ABLIM2: variants seen among roughly 807,000 people sequenced by gnomAD.
ABLIM2 encodes the protein actin binding LIM protein family member 2.
A neutral mutation model predicts 97.7 loss-of-function variants in ABLIM2; 53 were observed. The observed-to-expected ratio is 0.54, with a 90% CI of 0.44 to 0.68. ABLIM2 has a LOEUF of 0.68. Among genes scored for constraint, ABLIM2 ranks in the 30% least tolerant of loss-of-function variants. ABLIM2 has a pLI of 0.00. For synonymous variants in ABLIM2, 361 were observed against 345.8 expected (o/e 1.04, Z -0.49); for missense variants, 835 against 867.2 (o/e 0.96, Z 0.47).
At position 8,002,160 on chromosome 4, in the gene ABLIM2, T is replaced by C. The variant is rs1757680073; in HGVS notation, c.1618+5899A>G. On this transcript the variant is annotated intron_variant, in intron 16 of 20. Transcript: ENST00000447017. The surrounding 1 kb of genome is among the most constrained non-coding windows in gnomAD (Gnocchi z 6.1). The stretch of plus-strand genomic sequence containing the variant: ...AGTCCCATCTGGGAGCCGGGGACCC[T>C]CAGTCTCTGCCTCCAGCCTGGACCT... Among the ~76,000 whole-genome samples the C allele has an allele frequency of 6.6e-6, 1 of 152,096 alleles. No individual in the cohort carries two copies. Among genetic ancestry groups the C allele is most frequent in the African/African-American group, 2.4e-5 (1 of 41,414 alleles).
intron 20 of ABLIM2, among the ~76,000 whole-genome samples, chr4:7,980,628 T>C (rs1189564610): frequency 6.6e-6 from 1 of 151,252 alleles, no homozygotes; most frequent in Non-Finnish European, 1.5e-5. Flanking sequence ...GGCAGAAGAA[T>C]CACTTGAGTC....
intron 1 of ABLIM2, among the ~76,000 whole-genome samples, chr4:8,139,084 T>A (rs1850579493): frequency 6.6e-6 from 1 of 152,080 alleles, no homozygotes; most frequent in Non-Finnish European, 1.5e-5. Context: ...TAATCCCAGC[T>A]CCTTGGGAGG....
intron 14 of ABLIM2, among the ~76,000 whole-genome samples, chr4:8,014,121 A>G (rs1448584850): frequency 6.6e-6 from 1 of 152,262 alleles, no homozygotes; most frequent in East Asian, 1.9e-4. Context: ...CCAGTGCAGA[A>G]TCATTCCTGA....
intron 6 of ABLIM2, among the ~76,000 whole-genome samples, chr4:8,074,448 T>G (rs931501539): frequency 9.7e-4 from 147 of 152,158 alleles, no homozygotes; most frequent in African/African-American, 2.2e-3. Context: ...CAAGACCCCA[T>G]CTCTAAAAAA....
chr4:8,024,446 C>G (rs1776025491), intron 12 of ABLIM2, among the ~76,000 whole-genome samples: 1 of 152,180 alleles, frequency 6.6e-6, no homozygotes, highest in Non-Finnish European at 1.5e-5. Context: ...GGGCAGCCGC[C>G]CCCGTACAGT....
At chr4:8,106,740 C>T in intron 1 of ABLIM2, 103 bp from the exon 2 acceptor site, 3 of 1,406,002 alleles carry the variant, frequency 2.1e-6, no homozygotes, top group South Asian at 2.9e-5. Context: ...TGCCAGCGGG[C>T]CCCGCACCCA....
chr4:8,142,302 G>A (rs1455314822), intron 1 of ABLIM2, among the ~76,000 whole-genome samples: 4 of 152,066 alleles, frequency 2.6e-5, no homozygotes, highest in Non-Finnish European at 2.9e-5. Context: ...CCTGCTGCCC[G>A]CACTGCCCGA....
intron 14 of ABLIM2, among the ~76,000 whole-genome samples, chr4:8,013,719 G>A (rs982289530): frequency 1.3e-5 from 2 of 152,212 alleles, no homozygotes; most frequent in Non-Finnish European, 2.9e-5. Context: ...ACTCAGGGCT[G>A]CATCGCCACT....
rs1382962147 is a variant in ABLIM2 at position 8,023,837 on chromosome 4, T to G, written c.1268-3534A>C. Among the ~76,000 whole-genome samples the G allele has an allele frequency of 6.6e-6, 1 of 152,228 alleles. No homozygotes were observed. The highest frequency in any genetic ancestry group is 1.5e-5 in the Non-Finnish European group (1 of 68,040). On this transcript the variant is annotated intron_variant, in intron 12 of 20. Transcript: ENST00000447017. The surrounding 1 kb of genome is among the most constrained non-coding windows in gnomAD (Gnocchi z 5.7). ...TATTATACTCTAGTTTACAATCCAA[T>G]GACACATCCTTCATCGTGGTGCTCC...
At chr4:8,016,738 C>T (rs114543481) in intron 14 of ABLIM2, among the ~76,000 whole-genome samples, 2,876 of 152,256 alleles carry the variant, frequency 0.019, 34 homozygotes, top group Non-Finnish European at 0.029. Context: ...TCTCAAGGAC[C>T]GCAGAAACCA....
intron 5 of ABLIM2, 143 bp from the exon 6 acceptor site, chr4:8,077,864 G>C (rs1165918821): frequency 3.0e-6 from 2 of 675,438 alleles, no homozygotes; most frequent in Non-Finnish European, 5.2e-6. Context: ...CTTCCAACAG[G>C]CAGTGTCATT....
Position 8,036,191 on chromosome 4 carries a change from G to C in ABLIM2, c.1005C>G (p.Pro335=), listed in dbSNP as rs1784366963. 5 of 1,613,924 alleles carry C rather than the reference G, an allele frequency of 3.1e-6. No homozygotes were observed. The East Asian group carries it at 1.1e-4, about 36-fold the overall frequency. The change falls in exon 10 of 21, where the codon CCC becomes CCG. Residue 335 remains proline, a synonymous_variant. Transcript: ENST00000447017. The part of the protein sequence containing the change: ...IDRPDMISYS[P]YISHSAGDRQ... ...TGTCCCCTGCAGAGTGGCTGATGTAGGGTGAGTAGGAGATCATGTCGGGGC... is the reference window on the plus strand; with the variant it reads ...TGTCCCCTGCAGAGTGGCTGATGTACGGTGAGTAGGAGATCATGTCGGGGC...
chr4:8,019,016 C>T lies in ABLIM2; in HGVS notation c.1423+602G>A, dbSNP rs1055162424. Among the ~76,000 whole-genome samples the T allele has an allele frequency of 2.6e-5, 4 of 152,168 alleles. No homozygotes were observed. The highest frequency in any genetic ancestry group is 2.1e-4 in the South Asian group (1 of 4,822). On this transcript the variant is annotated intron_variant, in intron 14 of 20. Coordinates refer to ENST00000447017, the MANE Select transcript of ABLIM2 (RefSeq NM_001130083.2). This position sits in a 1 kb window ranked among gnomAD's most constrained non-coding sequence, Gnocchi z 4.3. ...AGGAAAGAGAGGGGAGACCATGTGGCCCCGATTCCTGCTCCATGGCCCACG... is the reference window on the plus strand; with the variant it reads ...AGGAAAGAGAGGGGAGACCATGTGGTCCCGATTCCTGCTCCATGGCCCACG...
chr4:8,120,162 G>A lies in ABLIM2; in HGVS notation c.11-13525C>T, dbSNP rs914493785. 3.3e-5 allele frequency among the ~76,000 whole-genome samples: 5 copies of A among 152,164 alleles called. No individual in the cohort carries two copies. Among genetic ancestry groups the A allele is most frequent in the Admixed American group, 6.5e-5 (1 of 15,280 alleles). The stretch of plus-strand genomic sequence containing the variant: ...AAGAGAAAAACAGCCCAGCGGCCAC[G>A]CTGCCCCTTCCTCCCAGAAGAGGAC... On this transcript the variant is annotated intron_variant, in intron 1 of 20. Coordinates refer to ENST00000447017, the MANE Select transcript of ABLIM2 (RefSeq NM_001130083.2). The surrounding 1 kb of genome is among the most constrained non-coding windows in gnomAD (Gnocchi z 5.6).
intron 1 of ABLIM2, among the ~76,000 whole-genome samples, chr4:8,126,438 C>T (rs28734471): frequency 0.065 from 9,246 of 142,324 alleles, 437 homozygotes; most frequent in African/African-American, 0.11. Context: ...CCCCTCCCTT[C>T]CCTCTCCCCT....
At chr4:8,151,489 C>A (rs1712742610) in intron 1 of ABLIM2, among the ~76,000 whole-genome samples, 1 of 152,192 alleles carries the variant, frequency 6.6e-6, no homozygotes, top group Non-Finnish European at 1.5e-5. Context: ...CGGCAAGGCA[C>A]CTCCCTCCAC....
intron 3 of ABLIM2, among the ~76,000 whole-genome samples, chr4:8,096,523 G>A (rs1409041096): frequency 1.3e-5 from 2 of 152,190 alleles, no homozygotes; most frequent in Non-Finnish European, 2.9e-5. Context: ...ATCCTCTGAC[G>A]AAGGTTCCAT....
intron 16 of ABLIM2, among the ~76,000 whole-genome samples, chr4:8,006,208 CAG>C (rs1226250099): frequency 6.6e-6 from 1 of 152,228 alleles, no homozygotes; most frequent in Non-Finnish European, 1.5e-5. Context: ...GTGCAGGTCA[CAG>C]AGAGTATCAG....
At chr4:8,062,192 T>G (rs748564346) in intron 6 of ABLIM2, among the ~76,000 whole-genome samples, 10 of 152,100 alleles carry the variant, frequency 6.6e-5, no homozygotes, top group Non-Finnish European at 1.2e-4. Flanking sequence ...CTCTGAACCC[T>G]TCCCCAATCT....
Sources: allele counts gnomAD v4.1 joint callset (sites outside exome capture counted in the v4.1 genomes callset), GRCh38; gene constraint gnomAD v4.1.1; non-coding constraint Gnocchi (gnomAD v3.1); transcripts MANE v1.5; gene names NCBI Gene and HGNC (gene_info 2026-07-23, HGNC 2026-07-21).